Variants in DSCAM observed in about 807,000 individuals in gnomAD.
DSCAM encodes the protein DS cell adhesion molecule.
A neutral mutation model predicts 217.7 loss-of-function variants in DSCAM; 47 were observed. That is an observed-to-expected ratio of 0.22 (90% CI 0.17 to 0.28). The LOEUF is 0.28. Ranked by LOEUF, DSCAM falls within the 10% of genes least tolerant of loss-of-function variation. DSCAM has a pLI of 1.00. For missense variants in DSCAM, 2,080 were observed against 2,618.3 expected (o/e 0.79, Z 4.49); for synonymous variants, 1,056 against 1,015.3 (o/e 1.04, Z -0.76).
At chr21:40,254,670 T>C (rs1397605108) in intron 11 of DSCAM, among the ~76,000 whole-genome samples, 1 of 152,164 alleles carries the variant, frequency 6.6e-6, no homozygotes, top group Admixed American at 6.5e-5. Flanking sequence ...CAGAGCTCTT[T>C]GCAGGATCAG....
intron 16 of DSCAM, among the ~76,000 whole-genome samples, chr21:40,147,340 T>A (rs978206864): frequency 7.9e-5 from 12 of 152,262 alleles, no homozygotes; most frequent in Non-Finnish European, 1.8e-4. Context: ...GTGATCTGTT[T>A]GTACAGGTAG....
At chr21:40,408,353 C>T (rs879653858) in intron 3 of DSCAM, among the ~76,000 whole-genome samples, 21 of 151,954 alleles carry the variant, frequency 1.4e-4, no homozygotes, top group Middle Eastern at 3.2e-3. Context: ...AATAGATTAT[C>T]ATTAGAATGG....
chr21:40,729,238 TG>T (rs2090987866), intron 1 of DSCAM, among the ~76,000 whole-genome samples: 1 of 152,236 alleles, frequency 6.6e-6, no homozygotes, highest in South Asian at 2.1e-4. Flanking sequence ...ATATAAACTT[TG>T]AACTCTGTCG....
chr21:40,840,717 C>T (rs1434876333), intron 1 of DSCAM, among the ~76,000 whole-genome samples: 3 of 151,960 alleles, frequency 2.0e-5, no homozygotes, highest in Admixed American at 6.5e-5. Flanking sequence ...TGAGTCACTA[C>T]GACAGAAAAA....
At chr21:40,715,132 G>A (rs2090827842) in intron 1 of DSCAM, among the ~76,000 whole-genome samples, 2 of 152,214 alleles carry the variant, frequency 1.3e-5, no homozygotes, top group South Asian at 4.1e-4. Context: ...CTCAGTCTGT[G>A]TATTCTGTTT....
intron 10 of DSCAM, among the ~76,000 whole-genome samples, chr21:40,282,320 G>A (rs576416995): frequency 6.6e-6 from 1 of 152,178 alleles, no homozygotes; most frequent in South Asian, 2.1e-4. Context: ...GGGCGCGGTG[G>A]CTCACGCCTG....
intron 3 of DSCAM, among the ~76,000 whole-genome samples, chr21:40,577,035 C>T (rs1047048269): frequency 2.0e-5 from 3 of 150,168 alleles, no homozygotes; most frequent in Admixed American, 1.3e-4. Context: ...GGAAAGGGCA[C>T]GAGAGGGTAT....
chr21:40,075,074 C>T lies in DSCAM; in HGVS notation c.4851G>A (p.Arg1617=), dbSNP rs989761654. ...LLLFVLLLVV[R]RRRREQRLKR... ...TTAGCCTCTGCTCCCGCCGCCTCCT[C>T]CGCACAACCAGCAGGAGCACAAACA... The change falls in exon 27 of 33, where the codon CGG becomes CGA. Residue 1617 remains arginine, a synonymous_variant. Coordinates refer to ENST00000400454, the MANE Select transcript of DSCAM (RefSeq NM_001389.5). 5 of 1,614,100 alleles carry T rather than the reference C, an allele frequency of 3.1e-6. No homozygotes were observed. In the African/African-American group the frequency reaches 5.3e-5, roughly 17 times the overall value.
intron 3 of DSCAM, among the ~76,000 whole-genome samples, chr21:40,590,941 G>GGTTTTC (rs147215756): frequency 0.035 from 5,352 of 152,140 alleles, 123 homozygotes; most frequent in Non-Finnish European, 0.058. Context: ...TTATTGATAT[G>GGTTTTC]GTTTGGCCGT....
At chr21:40,127,303 C>T (rs1194165472) in intron 19 of DSCAM, among the ~76,000 whole-genome samples, 3 of 152,150 alleles carry the variant, frequency 2.0e-5, no homozygotes, top group Non-Finnish European at 4.4e-5. Flanking sequence ...AAACACCAGA[C>T]ACTGAGAGTT....
chr21:40,339,531 A>G, intron 6 of DSCAM, 116 bp from the exon 7 acceptor site: 2 of 1,106,532 alleles, frequency 1.8e-6, no homozygotes, highest in East Asian at 2.6e-5. Flanking sequence ...ATTACCAAAA[A>G]GGTCTGGTTT....
intron 9 of DSCAM, among the ~76,000 whole-genome samples, chr21:40,302,316 G>C (rs749349014): frequency 6.6e-6 from 1 of 152,070 alleles, no homozygotes; most frequent in Non-Finnish European, 1.5e-5. Flanking sequence ...TGCTGTTCTC[G>C]TGATAGTGAA....
chr21:40,329,943 A>G (rs777392914), intron 8 of DSCAM, among the ~76,000 whole-genome samples: 1 of 151,912 alleles, frequency 6.6e-6, no homozygotes, highest in Non-Finnish European at 1.5e-5. Context: ...AAAGTCCAAG[A>G]GATCTATTGT....
rs796512916 is a variant in DSCAM at position 40,637,124 on chromosome 21, T to A, written c.508+55686A>T. On this transcript the variant is annotated intron_variant, in intron 3 of 32. Coordinates refer to ENST00000400454, the MANE Select transcript of DSCAM (RefSeq NM_001389.5). ...CTTCTCATTCATATATATATATATA[T>A]ATATAAATATATAAATATATATATA... is the stretch of plus-strand genomic sequence containing the variant. 4.8e-3 allele frequency among the ~76,000 whole-genome samples: 156 copies of A among 32,650 alleles called. 19 individuals are homozygous for A. Among genetic ancestry groups the A allele is most frequent in the African/African-American group, 0.016 (145 of 8,992 alleles). The allele number at this position is 32,650 out of a possible 152,430, so 21.4% of individuals were successfully genotyped here. A position where few individuals can be genotyped will look rare whatever the true frequency, so the allele number is the denominator to read the frequency against.
intron 1 of DSCAM, among the ~76,000 whole-genome samples, chr21:40,787,642 G>A (rs2091605917): frequency 6.6e-5 from 10 of 152,164 alleles, no homozygotes; most frequent in Admixed American, 5.9e-4. Context: ...GCAGTTCGGT[G>A]TAATACCAGG....
chr21:40,029,329 A>G (rs1393102400), intron 32 of DSCAM, among the ~76,000 whole-genome samples: 1 of 152,162 alleles, frequency 6.6e-6, no homozygotes, highest in Non-Finnish European at 1.5e-5. Context: ...TGGTAGGGAA[A>G]GCATCAGCCC....
intron 1 of DSCAM, among the ~76,000 whole-genome samples, chr21:40,780,425 A>ATATATATATATATATATATATATATATG (rs2091532682): frequency 3.3e-5 from 2 of 61,266 alleles, no homozygotes; most frequent in Admixed American, 1.4e-4. Flanking sequence ...GTGTGTGTGT[A>ATATATATATATATATATATATATATATG]TATATATATA....
intron 18 of DSCAM, among the ~76,000 whole-genome samples, chr21:40,136,781 T>A (rs1325296755): frequency 1.3e-5 from 2 of 151,910 alleles, no homozygotes; most frequent in East Asian, 3.9e-4. Flanking sequence ...CTCCGGCAAA[T>A]ACTTGAATCA....
intron 3 of DSCAM, among the ~76,000 whole-genome samples, chr21:40,377,294 G>A (rs1009334539): frequency 6.6e-6 from 1 of 152,138 alleles, no homozygotes; most frequent in East Asian, 1.9e-4. Context: ...CCAGGATGGT[G>A]CCCTGGCTTG....
Sources: gnomAD v4.1 joint callset for allele counts (sites outside exome capture counted in the v4.1 genomes callset) on GRCh38, gnomAD v4.1.1 for gene constraint, MANE v1.5 for transcripts, NCBI Gene and HGNC (gene_info 2026-07-23, HGNC 2026-07-21) for gene names.